The following ADD1 variants were observed in gnomAD, a reference collection of about 807,000 sequenced individuals.
ADD1 encodes the protein adducin 1.
Under a neutral mutation model 80.5 loss-of-function variants are expected in ADD1, and 24 were observed. The observed-to-expected ratio is 0.30, with a 90% CI of 0.22 to 0.42. The LOEUF (loss-of-function observed/expected upper bound fraction) is 0.42. Among genes scored for constraint, ADD1 ranks in the 10% least tolerant of loss-of-function variants. The pLI is 1.00. For missense variants in ADD1, 948 were observed against 1,019.0 expected, an observed-to-expected ratio of 0.93 and a Z score of 0.95; for synonymous variants, 373 against 393.8, an observed-to-expected ratio of 0.95 and a Z score of 0.63.
chr4:2,845,937 G>A (rs1193986294), intron 1 of ADD1, among the ~76,000 whole-genome samples: 3 of 152,076 alleles, frequency 2.0e-5, no homozygotes, highest in Non-Finnish European at 4.4e-5. Context: ...TATGTAGAGA[G>A]AATAGTATAA....
chr4:2,861,652 C>T (rs1728834881), intron 1 of ADD1, among the ~76,000 whole-genome samples: 1 of 152,120 alleles, frequency 6.6e-6, no homozygotes, highest in African/African-American at 2.4e-5. Context: ...TTTGACTCAC[C>T]TTTAAAAATG....
Position 2,928,595 on chromosome 4 carries a change from C to G in ADD1, c.*72C>G. 6.6e-7 allele frequency: 1 copy of G among 1,511,090 alleles called. No homozygotes were observed. Among genetic ancestry groups the G allele is most frequent in the Non-Finnish European group, 9.0e-7 (1 of 1,107,448 alleles). 93.6% of individuals were successfully genotyped at this position (1,511,090 alleles called of 1,614,324 possible). A position where few individuals can be genotyped will look rare whatever the true frequency, so the allele number is the denominator to read the frequency against. On this transcript the variant is annotated 3_prime_UTR_variant, in exon 16 of 16. Coordinates refer to ENST00000683351, the MANE Select transcript of ADD1 (RefSeq NM_001354761.2). ...CAGCGTCCCCGGCCACGTCTGTGCT[C>G]TGTCCTTGTGTAATGGAATGCAAAA...
At chr4:2,870,958 T>C (rs1486015061) in intron 1 of ADD1, among the ~76,000 whole-genome samples, 3 of 151,630 alleles carry the variant, frequency 2.0e-5, no homozygotes, top group African/African-American at 7.3e-5. Flanking sequence ...TGTAAACAGA[T>C]GACATTTTCT....
chr4:2,859,206 G>A (rs945112662), intron 1 of ADD1, among the ~76,000 whole-genome samples: 3 of 152,160 alleles, frequency 2.0e-5, no homozygotes, highest in Admixed American at 1.3e-4. Flanking sequence ...CAGAGATAAC[G>A]CCTTAACATT....
At chr4:2,896,270 G>A (rs564390311) in intron 6 of ADD1, among the ~76,000 whole-genome samples, 12 of 150,660 alleles carry the variant, frequency 8.0e-5, no homozygotes, top group South Asian at 2.1e-4. Flanking sequence ...GTGCAGTGGC[G>A]CACTCTCAAC....
intron 2 of ADD1, among the ~76,000 whole-genome samples, chr4:2,881,359 A>G (rs573989513): frequency 1.3e-5 from 2 of 152,252 alleles, no homozygotes; most frequent in South Asian, 4.1e-4. Flanking sequence ...GATTCCAGGC[A>G]TGAGCCACTG....
chr4:2,919,115 A>C (rs938583418), intron 14 of ADD1, among the ~76,000 whole-genome samples: 1 of 152,206 alleles, frequency 6.6e-6, no homozygotes, highest in Non-Finnish European at 1.5e-5. Flanking sequence ...CTGGGATTAC[A>C]GGTGTGAGCC....
intron 1 of ADD1, among the ~76,000 whole-genome samples, chr4:2,857,413 C>A (rs1728242454): frequency 6.6e-6 from 1 of 152,032 alleles, no homozygotes; most frequent in Non-Finnish European, 1.5e-5. Context: ...GAGTTTGAGA[C>A]CAGTGTGGGT....
chr4:2,906,383 C>T (rs935807285), intron 10 of ADD1, among the ~76,000 whole-genome samples: 9 of 149,930 alleles, frequency 6.0e-5, no homozygotes, highest in African/African-American at 1.2e-4. Context: ...AGGAAGTGGG[C>T]GTTATAAAAC....
chr4:2,875,908 A>C lies in ADD1; in HGVS notation c.-8A>C. The C allele has an allele frequency of 6.3e-7, 1 of 1,581,534 alleles. No homozygotes were observed. Among genetic ancestry groups the C allele is most frequent in the Non-Finnish European group, 8.6e-7 (1 of 1,166,734 alleles). ...TTTGATTCTGTAGGAACCTAGAAAG[A>C]TTGTACAATGAATGGTGATTCTCGT... On this transcript the variant is annotated 5_prime_UTR_variant, in exon 2 of 16. Transcript: ENST00000683351.
intron 4 of ADD1, 63 bp from the exon 5 acceptor site, chr4:2,893,950 C>G: frequency 6.9e-7 from 1 of 1,458,798 alleles, no homozygotes; most frequent in Non-Finnish European, 9.6e-7. Context: ...GAATTTGTAG[C>G]CTGAAAGAGA....
At chr4:2,908,766 T>C (rs1737491170) in intron 12 of ADD1, 162 bp downstream of exon 12, 1 of 654,278 alleles carries the variant, frequency 1.5e-6, no homozygotes, top group Non-Finnish European at 2.7e-6. Flanking sequence ...CAGGCACTTT[T>C]CGTTGAGTTC....
intron 1 of ADD1, among the ~76,000 whole-genome samples, chr4:2,853,931 C>G (rs1051543308): frequency 1.3e-5 from 2 of 152,092 alleles, no homozygotes; most frequent in Non-Finnish European, 2.9e-5. Context: ...GCATTGCACC[C>G]GGAGAAATGG....
chr4:2,877,539 CAAT>C (rs1342259862), intron 2 of ADD1, among the ~76,000 whole-genome samples: 1 of 151,660 alleles, frequency 6.6e-6, no homozygotes, highest in Non-Finnish European at 1.5e-5. Flanking sequence ...AGGAAATAAA[CAAT>C]AAAGAACAAG....
intron 1 of ADD1, among the ~76,000 whole-genome samples, chr4:2,852,138 T>C (rs868184251): frequency 4.1e-5 from 4 of 97,580 alleles, no homozygotes; most frequent in East Asian, 2.9e-4. Flanking sequence ...ACCCGGCCTC[T>C]TTTCTTTCTT....
At position 2,881,998 on chromosome 4, in the gene ADD1, C is replaced by T. The variant is rs772637954; in HGVS notation, c.296C>T (p.Thr99Ile). The T allele has an allele frequency of 1.9e-6, 3 of 1,613,192 alleles. No homozygotes were observed. The highest frequency in any genetic ancestry group is 2.2e-5 in the South Asian group (2 of 90,830). The stretch of plus-strand genomic sequence containing the variant: ...TTACAGCAGATTGCAGATTTTATGA[C>T]CACGAATGTACCAAATGTCTACCCA... ...LALQQIADFM[T>I]TNVPNVYPAA... Residue 99 changes from threonine (T) to isoleucine (I), a missense_variant, in exon 3 of 16, where the codon ACC (threonine) becomes ATC (isoleucine). Transcript: ENST00000683351.
At position 2,928,735 on chromosome 4, in the gene ADD1, C is replaced by T. The variant is rs1712440798; in HGVS notation, c.*212C>T. On this transcript the variant is annotated 3_prime_UTR_variant, in exon 16 of 16. Coordinates refer to ENST00000683351, the MANE Select transcript of ADD1 (RefSeq NM_001354761.2). The stretch of plus-strand genomic sequence containing the variant: ...ACCCTGCCCCTTGTCCTCTCAGAGC[C>T]TCAGCTTCTGGGGGAGACATGCTCT... 2 of 548,642 alleles carry T rather than the reference C, an allele frequency of 3.6e-6. No homozygotes were observed. Among genetic ancestry groups the T allele is most frequent in the Admixed American group, 3.8e-5 (1 of 26,030 alleles). 34.0% of individuals were successfully genotyped at this position (548,642 alleles called of 1,614,324 possible). A position where few individuals can be genotyped will look rare whatever the true frequency, so the allele number is the denominator to read the frequency against.
At chr4:2,870,280 G>A (rs1397662335) in intron 1 of ADD1, among the ~76,000 whole-genome samples, 1 of 152,246 alleles carries the variant, frequency 6.6e-6, no homozygotes, top group Non-Finnish European at 1.5e-5. Flanking sequence ...CAGGGCTGCA[G>A]TACTTCTGCT....
rs545639198 is a variant in ADD1 at position 2,915,061 on chromosome 4, G to A, written c.1948+21G>A. 2.7e-5 allele frequency: 43 copies of A among 1,595,894 alleles called. No homozygotes were observed. The Middle Eastern group carries it at 5.0e-4, about 19-fold the overall frequency. On this transcript the variant is annotated intron_variant, in intron 14 of 15. Coordinates refer to ENST00000683351, the MANE Select transcript of ADD1 (RefSeq NM_001354761.2). ...TGAAGGTGAGTGCTTGTGGTCCTGG[G>A]CACGGCCACTCCAGAAGGTGAAAGT... is the stretch of plus-strand genomic sequence containing the variant.
Sources: gnomAD v4.1 joint callset for allele counts (sites outside exome capture counted in the v4.1 genomes callset) on GRCh38, gnomAD v4.1.1 for gene constraint, MANE v1.5 for transcripts, NCBI Gene and HGNC (gene_info 2026-07-23, HGNC 2026-07-21) for gene names.